The following ANKRD33 variants were observed in gnomAD, a reference collection of about 807,000 sequenced individuals.
ANKRD33 encodes ankyrin repeat domain 33.
In ANKRD33, 20 loss-of-function variants were observed where a neutral mutation model predicts 20.6. The ratio of observed to expected loss-of-function variants is 0.97; its 90% CI spans 0.68 to 1.41. The LOEUF (loss-of-function observed/expected upper bound fraction) is 1.41, where lower values mean the gene tolerates loss of function less well. Among genes scored for constraint, ANKRD33 ranks in the 40% most tolerant of loss-of-function variants. The pLI, the probability that ANKRD33 is intolerant of heterozygous loss-of-function variation, is 0.00. For missense variants in ANKRD33, 545 were observed against 579.6 expected, an observed-to-expected ratio of 0.94 and a Z score of 0.61; for synonymous variants, 246 against 245.0, an observed-to-expected ratio of 1.00 and a Z score of -0.04.
At position 51,889,406 on chromosome 12, in the gene ANKRD33, C is replaced by T. The variant is rs779136253; in HGVS notation, c.561C>T (p.Tyr187=). Residue 187 remains tyrosine, a synonymous_variant, in exon 4 of 5, where the codon TAC becomes TAT. Transcript: ENST00000301190. Reference sequence around the variant, plus strand: ...CTCTAGTGAGTCTCCTGCTCAACTACTATGTGGGCCTGGACCTGGAACGCC... The same window carrying T: ...CTCTAGTGAGTCTCCTGCTCAACTATTATGTGGGCCTGGACCTGGAACGCC... ...HVPLVSLLLN[Y]YVGLDLERRD... is the part of the protein sequence containing the mutation. 6.2e-7 allele frequency: 1 copy of T among 1,614,180 alleles called. No homozygotes were observed.
At chr12:51,888,537 A>G in intron 1 of ANKRD33, 31 bp from the exon 2 acceptor site, 5 of 1,545,912 alleles carry the variant, frequency 3.2e-6, no homozygotes, top group Non-Finnish European at 4.3e-6. Context: ...CCAGGGAGAC[A>G]CTCACTACTC....
In ANKRD33 at chr12:51,888,199, C is replaced by A. The variant is rs1194761665; in HGVS notation, c.13C>A (p.Pro5Thr). 1 of 1,614,070 alleles carries A rather than the reference C, an allele frequency of 6.2e-7. No individual in the cohort carries two copies. Among genetic ancestry groups the A allele is most frequent in the Non-Finnish European group, 8.5e-7 (1 of 1,179,990 alleles). Residue 5 changes from proline (P) to threonine (T), a missense_variant, in exon 1 of 5, where the codon CCA becomes ACA. Coordinates refer to ENST00000301190, the MANE Select transcript of ANKRD33 (RefSeq NM_182608.4). ...GCAGCAGCTCTTTATGAAAGTCCAG[C>A]CATCTGTTACCTGCGTTGCTTCCTG... MKVQ[P>T]SVTCVASWGG...
rs1466745056 is a variant in ANKRD33, at chr12:51,888,162, C to T, written c.-25C>T. ...TCCCAGCTGCTTGATCCGGCTCAGC[C>T]CCGAGGTGTTTGCAGCAGCTCTTTA... On this transcript the variant is annotated 5_prime_UTR_variant, in exon 1 of 5. Coordinates refer to ENST00000301190, the MANE Select transcript of ANKRD33 (RefSeq NM_182608.4). The T allele has an allele frequency of 1.9e-6, 3 of 1,612,988 alleles. No individual in the cohort carries two copies. The Admixed American group carries it at 5.0e-5, about 27-fold the overall frequency.
At chr12:51,889,531 G>A (rs568593668) in intron 4 of ANKRD33, 49 bp downstream of exon 4, 26 of 1,598,754 alleles carry the variant, frequency 1.6e-5, no homozygotes, top group East Asian at 9.0e-5. Flanking sequence ...GGCCTGGACC[G>A]GGGTGTGTGG....
At chr12:51,889,858 G>C (rs1940354724) in intron 4 of ANKRD33, 1 of 271,036 alleles carries the variant, frequency 3.7e-6, no homozygotes, top group Non-Finnish European at 7.0e-6. Flanking sequence ...AGTATTGTGA[G>C]GGTGTTAGCT....
intron 2 of ANKRD33, 70 bp from the exon 3 acceptor site, chr12:51,888,997 T>A (rs1236815186): frequency 1.2e-6 from 2 of 1,606,210 alleles, no homozygotes; most frequent in Non-Finnish European, 1.7e-6. Flanking sequence ...CAGATATGGG[T>A]TTAGAGGGTG....
At position 51,891,241 on chromosome 12, in the gene ANKRD33, G is replaced by A. The variant is rs113760252; in HGVS notation, c.1295G>A (p.Arg432Gln). The A allele has an allele frequency of 4.3e-6, 7 of 1,614,106 alleles. No homozygotes were observed. Among genetic ancestry groups the A allele is most frequent in the East Asian group, 2.2e-5 (1 of 44,898 alleles). The change falls in exon 5 of 5, where the codon CGA becomes CAA. Residue 432 changes from arginine to glutamine, a missense_variant. Coordinates refer to ENST00000301190, the MANE Select transcript of ANKRD33 (RefSeq NM_182608.4). ...CAAAGTCTGGCCCTTCCTCTCTGGC[G>A]ATACCAGGAGCTCAGGATAGAGAAG... The part of the protein sequence containing the change: ...GHQSLALPLW[R>Q]YQELRIEKRK...
chr12:51,890,464 C>T (rs915149415), intron 4 of ANKRD33, 120 bp from the exon 5 acceptor site: 1 of 1,535,568 alleles, frequency 6.5e-7, no homozygotes, highest in Non-Finnish European at 8.7e-7. Flanking sequence ...CCACCTTCAA[C>T]AGGATGGGAC....
chr12:51,888,536 C>A, intron 1 of ANKRD33, 32 bp from the exon 2 acceptor site: 1 of 1,546,564 alleles, frequency 6.5e-7, no homozygotes, highest in Non-Finnish European at 8.7e-7. Context: ...TCCAGGGAGA[C>A]ACTCACTACT....
In ANKRD33 at chr12:51,888,296, G is replaced by A. The variant is rs1317622708; in HGVS notation, c.110G>A (p.Arg37His). 6.2e-7 allele frequency: 1 copy of A among 1,614,122 alleles called. No individual in the cohort carries two copies. Among genetic ancestry groups the A allele is most frequent in the African/African-American group, 1.3e-5 (1 of 75,056 alleles). Residue 37 changes from arginine (R) to histidine (H), a missense_variant, in exon 1 of 5, where the codon CGC becomes CAC. Coordinates refer to ENST00000301190, the MANE Select transcript of ANKRD33 (RefSeq NM_182608.4). The stretch of plus-strand genomic sequence containing the variant: ...CTCCGCGGAGCCTGGGCTGTGCCCC[G>A]CGTTGACTGCCTCATAGATACCCTA... Reference protein sequence around the residue: ...IVLRGAWAVPRVDCLIDTLRT... With the variant: ...IVLRGAWAVPHVDCLIDTLRT...
intron 1 of ANKRD33, 116 bp downstream of exon 1, chr12:51,888,447 G>A: frequency 6.4e-7 from 1 of 1,571,154 alleles, no homozygotes; most frequent in Non-Finnish European, 8.6e-7. Context: ...GGTGGATGGG[G>A]CGAGACCCCT....
chr12:51,890,361 C>T, intron 4 of ANKRD33: 1 of 1,176,072 alleles, frequency 8.5e-7, no homozygotes, highest in Non-Finnish European at 1.2e-6. Flanking sequence ...GGTGGAGCCC[C>T]ACAATAGGTC....
rs747283690 is a variant in ANKRD33, at chr12:51,890,661, A to T, written c.715A>T (p.Thr239Ser). The change falls in exon 5 of 5, where the codon ACC becomes TCC. Residue 239 changes from threonine to serine, a missense_variant. Transcript: ENST00000301190. The part of the protein sequence containing the change: ...EWAVLTDSFD[T>S]VWRIRQLLRR... ...GGCAGTGCTGACCGACAGCTTCGAC[A>T]CCGTGTGGAGGATTCGGCAGCTGCT... 6.2e-7 allele frequency: 1 copy of T among 1,607,528 alleles called. No homozygotes were observed. Among genetic ancestry groups the T allele is most frequent in the Non-Finnish European group, 8.5e-7 (1 of 1,179,994 alleles).
rs1444189853 is a variant in ANKRD33 at position 51,891,379 on chromosome 12, C to T, written c.*74C>T. On this transcript the variant is annotated 3_prime_UTR_variant, in exon 5 of 5. Coordinates refer to ENST00000301190, the MANE Select transcript of ANKRD33 (RefSeq NM_182608.4). Reference sequence around the variant, plus strand: ...AGGGCTTCTTTCCCCTCTGGAGTGCCTCCGGCCTCCCCATCCACCTCTGCC... The same window carrying T: ...AGGGCTTCTTTCCCCTCTGGAGTGCTTCCGGCCTCCCCATCCACCTCTGCC... 1 of 1,522,766 alleles carries T rather than the reference C, an allele frequency of 6.6e-7. No homozygotes were observed. Among genetic ancestry groups the T allele is most frequent in the African/African-American group, 1.4e-5 (1 of 72,494 alleles). 94.3% of individuals were successfully genotyped at this position (1,522,766 alleles called of 1,614,324 possible).
Position 51,891,066 on chromosome 12 carries a change from C to T in ANKRD33, c.1120C>T (p.Gln374Ter). 1 of 1,614,148 alleles carries T rather than the reference C, an allele frequency of 6.2e-7. No individual in the cohort carries two copies. The highest frequency in any genetic ancestry group is 1.3e-5 in the African/African-American group (1 of 75,024). ...QRSPWVFVPY[Q>*]SPQGILSKCL... The stretch of plus-strand genomic sequence containing the variant: ...GTCCCCGTGGGTCTTCGTCCCCTAC[C>T]AGAGCCCTCAGGGCATATTGAGCAA... Residue 374 changes from glutamine (Q) to a stop codon, truncating the protein, a stop_gained, in exon 5 of 5, where the codon CAG (glutamine) becomes TAG (stop). Coordinates refer to ENST00000301190, the MANE Select transcript of ANKRD33 (RefSeq NM_182608.4). LOFTEE classifies it low-confidence loss of function (END_TRUNC).
At chr12:51,888,529 A>G (rs749161547) in intron 1 of ANKRD33, 39 bp from the exon 2 acceptor site, 25 of 1,548,662 alleles carry the variant, frequency 1.6e-5, no homozygotes, top group Non-Finnish European at 2.1e-5. Context: ...CCTAGGATCC[A>G]GGGAGACACT....
chr12:51,891,251 G>C lies in ANKRD33; in HGVS notation c.1305G>C (p.Glu435Asp). The C allele has an allele frequency of 6.2e-7, 1 of 1,614,234 alleles. No individual in the cohort carries two copies. The highest frequency in any genetic ancestry group is 8.5e-7 in the Non-Finnish European group (1 of 1,180,046). Residue 435 changes from glutamate (E) to aspartate (D), a missense_variant, in exon 5 of 5, where the codon GAG becomes GAC. Transcript: ENST00000301190. ...SLALPLWRYQ[E>D]LRIEKRKQEE... ...CCCTTCCTCTCTGGCGATACCAGGA[G>C]CTCAGGATAGAGAAGAGGAAACAGG...
At position 51,889,173 on chromosome 12, in the gene ANKRD33, C is replaced by A. The variant is rs771047912; in HGVS notation, c.503C>A (p.Ala168Asp). ...CAGCAGGACAAAGGAGGGGACACGG[C>A]CCTCATGTTGGCTGCCCAAGCAGGT... ...VNQQDKGGDTALMLAAQAGHV... is the reference protein window; with the variant it reads ...VNQQDKGGDTDLMLAAQAGHV... Residue 168 changes from alanine to aspartate, a missense_variant, in exon 3 of 5, where the codon GCC (alanine) becomes GAC (aspartate). Ala to Asp is a moderately radical substitution (Grantham distance 126). Transcript: ENST00000301190. The A allele has an allele frequency of 7.4e-6, 12 of 1,614,090 alleles. No individual in the cohort carries two copies. The highest frequency in any genetic ancestry group is 2.7e-5 in the African/African-American group (2 of 74,934).
chr12:51,890,908 C>T lies in ANKRD33; in HGVS notation c.962C>T (p.Thr321Ile). 1 of 1,613,512 alleles carries T rather than the reference C, an allele frequency of 6.2e-7. No individual in the cohort carries two copies. Among genetic ancestry groups the T allele is most frequent in the Non-Finnish European group, 8.5e-7 (1 of 1,180,002 alleles). Reference sequence around the variant, plus strand: ...ACCAGCCTGGCCAGTCCCTTCGTCACCACTGCCTGCCACACTCTGTGCCCT... The same window carrying T: ...ACCAGCCTGGCCAGTCCCTTCGTCATCACTGCCTGCCACACTCTGTGCCCT... ...ATTSLASPFV[T>I]TACHTLCPDH... The change falls in exon 5 of 5, where the codon ACC (threonine) becomes ATC (isoleucine). Residue 321 changes from threonine to isoleucine, a missense_variant. Physicochemically the swap from Thr to Ile is moderately conservative, Grantham distance 89. Coordinates refer to ENST00000301190, the MANE Select transcript of ANKRD33 (RefSeq NM_182608.4).
Sources: allele counts gnomAD v4.1 joint callset, GRCh38; gene constraint gnomAD v4.1.1; transcripts MANE v1.5; gene names NCBI Gene and HGNC (gene_info 2026-07-23, HGNC 2026-07-21).